The following ASAP3 variants were observed in gnomAD, a reference collection of about 807,000 sequenced individuals.
ASAP3 encodes the protein arf-GAP with SH3 domain, ANK repeat and PH domain-containing protein 3.
In ASAP3, 85 loss-of-function variants were observed where a neutral mutation model predicts 118.2. The observed-to-expected ratio is 0.72, with a 90% confidence interval of 0.60 to 0.86. ASAP3 has a LOEUF of 0.86. Ranked by LOEUF, ASAP3 falls within the 40% of genes least tolerant of loss-of-function variation. The probability of loss-of-function intolerance (pLI) is 0.00; values close to 1 mark genes in which losing one functional copy is unlikely to be tolerated. For missense variants in ASAP3, 1,026 were observed against 1,175.0 expected (o/e 0.87, Z 1.85); for synonymous variants, 432 against 477.4 (o/e 0.90, Z 1.24).
chr1:23,452,646 C>G, intron 4 of ASAP3, 51 bp downstream of exon 4: 1 of 1,574,162 alleles, frequency 6.4e-7, no homozygotes, highest in Non-Finnish European at 8.7e-7. Context: ...CAGTCTCCTG[C>G]CCACCCCTCT....
Position 23,438,746 on chromosome 1 carries a change from C to T in ASAP3, c.1102+1G>A, listed in dbSNP as rs766168173. ...GGGGGAGAGGCACAGGGACCACTCACGGGTCACCAGGTCGAAGCACTTTTT... is the reference window on the plus strand; with the variant it reads ...GGGGGAGAGGCACAGGGACCACTCATGGGTCACCAGGTCGAAGCACTTTTT... On this transcript the variant is annotated splice_donor_variant, in intron 12 of 24. Transcript: ENST00000336689. LOFTEE classifies it high-confidence loss of function. The surrounding 1 kb of genome is among the most constrained non-coding windows in gnomAD (Gnocchi z 4.9). 4.3e-6 allele frequency: 7 copies of T among 1,613,868 alleles called. No homozygotes were observed. Among genetic ancestry groups the T allele is most frequent in the Non-Finnish European group, 5.9e-6 (7 of 1,179,800 alleles).
intron 5 of ASAP3, among the ~76,000 whole-genome samples, chr1:23,444,899 TG>T (rs1191263349): frequency 6.6e-6 from 1 of 151,586 alleles, no homozygotes; most frequent in Non-Finnish European, 1.5e-5. Context: ...ACCCACTAGC[TG>T]CCAGTAGCAT....
intron 3 of ASAP3, among the ~76,000 whole-genome samples, chr1:23,453,204 T>C (rs1641279723): frequency 6.6e-6 from 1 of 152,198 alleles, no homozygotes; most frequent in African/African-American, 2.4e-5. Context: ...TGACCTGTAG[T>C]GCACGTCTGT....
chr1:23,460,506 C>CAAAAAAAAAAAAAAAAA (rs71023213), intron 1 of ASAP3, among the ~76,000 whole-genome samples: 2 of 84,798 alleles, frequency 2.4e-5, no homozygotes, highest in Non-Finnish European at 4.5e-5. Context: ...GACTCCATCT[C>CAAAAAAAAAAAAAAAAA]AAAAAAAAAA....
Position 23,452,705 on chromosome 1 carries a change from C to A in ASAP3, c.415G>T (p.Gly139Cys). ...DSLMKGQLRD[G>C]RQDSKKQLEK... ...CCAGCATGGAGACTCACCTGTCGAC[C>A]GTCCCTCAGCTGCCCCTTCATCAGA... Residue 139 changes from glycine to cysteine, a missense_variant, in exon 4 of 25, where the codon GGT becomes TGT. Transcript: ENST00000336689. 6.2e-7 allele frequency: 1 copy of A among 1,613,810 alleles called. No individual in the cohort carries two copies. Among genetic ancestry groups the A allele is most frequent in the Non-Finnish European group, 8.5e-7 (1 of 1,179,936 alleles).
chr1:23,436,926 G>A lies in ASAP3; in HGVS notation c.1461C>T (p.Gly487=). The change falls in exon 15 of 25, where the codon GGC becomes GGT. Residue 487 remains glycine, a synonymous_variant. Transcript: ENST00000336689. This position sits in a 1 kb window ranked among gnomAD's most constrained non-coding sequence, Gnocchi z 4.2. ...RMQSLTLDLL[G]PSELLLALNM... ...CCGCCCTCACCAACAACTCGGAGGGGCCCAGCAGGTCCAAGGTGAGTGACT... is the reference window on the plus strand; with the variant it reads ...CCGCCCTCACCAACAACTCGGAGGGACCCAGCAGGTCCAAGGTGAGTGACT... 13 of 1,611,732 alleles carry A rather than the reference G, an allele frequency of 8.1e-6. No homozygotes were observed. Among genetic ancestry groups the A allele is most frequent in the South Asian group, 1.1e-5 (1 of 90,990 alleles).
At position 23,433,101 on chromosome 1, in the gene ASAP3, C is replaced by T. The variant is rs146778835; in HGVS notation, c.2299G>A (p.Gly767Arg). The change falls in exon 22 of 25, where the codon GGG becomes AGG. Residue 767 changes from glycine to arginine, a missense_variant. Transcript: ENST00000336689. Reference sequence around the variant, plus strand: ...CCTCCACTGGCATGTCTTGCACACCCTTGGACCAAAGTCCGAGAAGAGTTT... The same window carrying T: ...CCTCCACTGGCATGTCTTGCACACCTTTGGACCAAAGTCCGAGAAGAGTTT... Reference protein sequence around the residue: ...VKNSSRTLVQGCARHASGDRS... With the variant: ...VKNSSRTLVQRCARHASGDRS... 1.9e-3 allele frequency: 3,077 copies of T among 1,614,118 alleles called. 5 individuals carry two copies. Among genetic ancestry groups the T allele is most frequent in the Non-Finnish European group, 2.4e-3 (2,889 of 1,180,016 alleles).
rs1558116603 is a variant in ASAP3, at chr1:23,436,861, AC to A, written c.1476+49del. On this transcript the variant is annotated intron_variant, in intron 15 of 24. Transcript: ENST00000336689. The surrounding 1 kb of genome is among the most constrained non-coding windows in gnomAD (Gnocchi z 4.2). ...GCAAGCCCCGCCCCCGGATGAAACTACACCCCTAACTCCGCTTCTGGCCCCT... is the reference window on the plus strand; with the variant it reads ...GCAAGCCCCGCCCCCGGATGAAACTAACCCCTAACTCCGCTTCTGGCCCCT... 1.9e-6 allele frequency: 3 copies of A among 1,587,578 alleles called. No individual in the cohort carries two copies. The South Asian group carries it at 3.4e-5, about 18-fold the overall frequency.
chr1:23,465,732 C>A (rs975237861), intron 1 of ASAP3, among the ~76,000 whole-genome samples: 3 of 152,064 alleles, frequency 2.0e-5, no homozygotes, highest in Non-Finnish European at 4.4e-5. Flanking sequence ...GAACTCCCGA[C>A]CTCAGATGAT....
rs760444596 is a variant in ASAP3 at position 23,436,672 on chromosome 1, T to C, written c.1477-18A>G. The stretch of plus-strand genomic sequence containing the variant: ...AAGGCCAGCTGGAGTCGTAGGAAAA[T>C]AGACGTGGGGCGGAGTAAGACCGGG... On this transcript the variant is annotated intron_variant, in intron 15 of 24. Coordinates refer to ENST00000336689, the MANE Select transcript of ASAP3 (RefSeq NM_017707.4). This position sits in a 1 kb window ranked among gnomAD's most constrained non-coding sequence, Gnocchi z 4.2. 24 of 1,613,834 alleles carry C rather than the reference T, an allele frequency of 1.5e-5. No individual in the cohort carries two copies. The highest frequency in any genetic ancestry group is 8.8e-5 in the South Asian group (8 of 91,084).
intron 1 of ASAP3, among the ~76,000 whole-genome samples, 183 bp from the exon 2 acceptor site, chr1:23,456,377 C>A (rs981205595): frequency 1.3e-5 from 2 of 152,190 alleles, no homozygotes; most frequent in Non-Finnish European, 2.9e-5. Flanking sequence ...AAAAACCACA[C>A]AGAAACCACA....
chr1:23,430,627 C>A (rs956326252), intron 24 of ASAP3, among the ~76,000 whole-genome samples: 4 of 152,184 alleles, frequency 2.6e-5, no homozygotes, highest in African/African-American at 7.2e-5. Context: ...CTTCTCTGAG[C>A]GACTGGCCTG....
chr1:23,479,567 A>G (rs1200993672), intron 1 of ASAP3, among the ~76,000 whole-genome samples: 3 of 152,244 alleles, frequency 2.0e-5, no homozygotes, highest in African/African-American at 7.2e-5. Context: ...TTTACAAAGC[A>G]AACTGTAAAA....
At chr1:23,459,721 C>T (rs1641507725) in intron 1 of ASAP3, among the ~76,000 whole-genome samples, 1 of 152,218 alleles carries the variant, frequency 6.6e-6, no homozygotes, top group African/African-American at 2.4e-5. Flanking sequence ...TTTCCAGATG[C>T]TACCTCTTCA....
chr1:23,476,116 C>T (rs1319011830), intron 1 of ASAP3, among the ~76,000 whole-genome samples: 1 of 152,004 alleles, frequency 6.6e-6, no homozygotes, highest in Non-Finnish European at 1.5e-5. Context: ...GAGGCTGAGG[C>T]GGGCAGATCA....
At chr1:23,473,864 C>T (rs1642034247) in intron 1 of ASAP3, among the ~76,000 whole-genome samples, 1 of 152,000 alleles carries the variant, frequency 6.6e-6, no homozygotes, top group African/African-American at 2.4e-5. Context: ...GATCCCAGGG[C>T]CCTAGCCACA....
chr1:23,441,295 C>T, intron 9 of ASAP3, 84 bp from the exon 10 acceptor site: 10 of 1,604,176 alleles, frequency 6.2e-6, no homozygotes, highest in Non-Finnish European at 8.5e-6. Flanking sequence ...AGGGAGACTT[C>T]TCCAGGGGAC....
chr1:23,432,935 G>A, intron 22 of ASAP3, 142 bp downstream of exon 22: 1 of 836,910 alleles, frequency 1.2e-6, no homozygotes, highest in Non-Finnish European at 1.8e-6. Context: ...TCTTTTATCT[G>A]TAAGGGGAAG....
At chr1:23,433,919 A>G (rs1267035309) in intron 19 of ASAP3, among the ~76,000 whole-genome samples, 1 of 152,266 alleles carries the variant, frequency 6.6e-6, no homozygotes, top group Non-Finnish European at 1.5e-5. Context: ...GGATTCAATT[A>G]ATTAACATAC....
Sources: allele counts gnomAD v4.1 joint callset (sites outside exome capture counted in the v4.1 genomes callset), GRCh38; gene constraint gnomAD v4.1.1; non-coding constraint Gnocchi (gnomAD v3.1); transcripts MANE v1.5; gene names NCBI Gene and HGNC (gene_info 2026-07-23, HGNC 2026-07-21).